Variants in MED24 observed in about 807,000 individuals in gnomAD.
MED24 encodes mediator of RNA polymerase II transcription subunit 24.
In MED24, 74 loss-of-function variants were observed where a neutral mutation model predicts 118.8. That is an observed-to-expected ratio of 0.62 (90% CI 0.52 to 0.76). The LOEUF (loss-of-function observed/expected upper bound fraction) is 0.76, where lower values mean the gene tolerates loss of function less well. Ranked by LOEUF, MED24 falls within the 30% of genes least tolerant of loss-of-function variation. The pLI is 0.00. For synonymous variants in MED24, 521 were observed against 523.9 expected (o/e 0.99, Z 0.08); for missense variants, 1,041 against 1,278.9 (o/e 0.81, Z 2.84).
At chr17:40,042,456 T>G (rs1484145526) in intron 3 of MED24, among the ~76,000 whole-genome samples, 1 of 152,192 alleles carries the variant, frequency 6.6e-6, no homozygotes, top group Admixed American at 6.5e-5. Flanking sequence ...AGATGGATTA[T>G]GAGGTCGGGA....
intron 22 of MED24, 146 bp from the exon 23 acceptor site, chr17:40,022,200 G>C (rs1451982901): frequency 1.1e-6 from 1 of 892,706 alleles, no homozygotes; most frequent in African/African-American, 1.7e-5. Flanking sequence ...CCCACAATCT[G>C]ACAGGCCCCT....
chr17:40,026,406 C>T lies in MED24; in HGVS notation c.1810-75G>A, dbSNP rs530105474. 1.7e-4 allele frequency: 257 copies of T among 1,553,560 alleles called. No homozygotes were observed. The African/African-American group carries it at 2.5e-3, about 15-fold the overall frequency. ...GCCAACATCACCTTCTCAGCCTCTG[C>T]GGGCAGCTAAGTGCAGCGGGTGGAG... On this transcript the variant is annotated intron_variant, in intron 18 of 25. Transcript: ENST00000394128.
Position 40,026,188 on chromosome 17 carries a change from A to T in MED24, c.1953T>A (p.Phe651Leu), listed in dbSNP as rs1331109220. ...TGTAGAACTGCAGGGTGTTCTCACT[A>T]AACAGTGGCCCTGCCAGCTGGCGGA... is the stretch of plus-strand genomic sequence containing the variant. The part of the protein sequence containing the change: ...QMIRQLAGPL[F>L]SENTLQFYNE... Residue 651 changes from phenylalanine (F) to leucine (L), a missense_variant, in exon 19 of 26, where the codon TTT becomes TTA. This residue lies in a region of MED24 where 587 missense variants were observed against 694.4 expected (regional missense o/e 0.85). Transcript: ENST00000394128. 6.2e-7 allele frequency: 1 copy of T among 1,614,214 alleles called. No individual in the cohort carries two copies. Among genetic ancestry groups the T allele is most frequent in the Non-Finnish European group, 8.5e-7 (1 of 1,180,020 alleles).
Position 40,053,338 on chromosome 17 carries a change from G to A in MED24, c.173C>T (p.Pro58Leu). The change falls in exon 3 of 26, where the codon CCT (proline) becomes CTT (leucine). Residue 58 changes from proline (P) to leucine (L), a missense_variant. Pro to Leu is a moderately conservative substitution (Grantham distance 98, BLOSUM62 -3). Transcript: ENST00000394128. ...ATACTTCAGGTAGGACAAGATGAGA[G>A]GATTGGGGGATGGTCCAATCATGGC... ...EQAMIGPSPN[P>L]LILSYLKYAI... The A allele has an allele frequency of 6.2e-7, 1 of 1,612,858 alleles. No homozygotes were observed. The highest frequency in any genetic ancestry group is 1.1e-5 in the South Asian group (1 of 90,960).
At chr17:40,045,522 C>T (rs1165053869) in intron 3 of MED24, among the ~76,000 whole-genome samples, 1 of 151,448 alleles carries the variant, frequency 6.6e-6, no homozygotes, top group Non-Finnish European at 1.5e-5. Flanking sequence ...AGCTCCATGG[C>T]TCACGCCTAT....
At chr17:40,037,418 C>G (rs1014852584) in intron 3 of MED24, among the ~76,000 whole-genome samples, 1 of 152,036 alleles carries the variant, frequency 6.6e-6, no homozygotes, top group Non-Finnish European at 1.5e-5. Context: ...ACGGCGGGTG[C>G]CTGCAGTCCC....
At chr17:40,034,884 GTGCTGGGTATACAACAA>G in intron 6 of MED24, 1 of 1,325,714 alleles carries the variant, frequency 7.5e-7, no homozygotes, top group South Asian at 1.3e-5. Context: ...ACCTAGCACA[GTGCTGGGTATACAACAA>G]TGCTCAGTAA....
At chr17:40,040,697 C>A (rs911972053) in intron 3 of MED24, among the ~76,000 whole-genome samples, 28 of 151,654 alleles carry the variant, frequency 1.8e-4, no homozygotes, top group African/African-American at 6.5e-4. Context: ...CGGCTCACTG[C>A]AACCTCCACC....
chr17:40,047,856 A>T (rs541739985), intron 3 of MED24, among the ~76,000 whole-genome samples: 1 of 151,938 alleles, frequency 6.6e-6, no homozygotes, highest in South Asian at 2.1e-4. Context: ...CAGCCTCCTG[A>T]GTAGCTGGGA....
In MED24 at chr17:40,026,663, G is replaced by T. The variant is rs138398755; in HGVS notation, c.1793C>A (p.Ala598Asp). 7 of 1,610,304 alleles carry T rather than the reference G, an allele frequency of 4.3e-6. No homozygotes were observed. The highest frequency in any genetic ancestry group is 5.1e-6 in the Non-Finnish European group (6 of 1,178,194). The change falls in exon 18 of 26, where the codon GCC becomes GAC. Residue 598 changes from alanine (A) to aspartate (D), a missense_variant. Physicochemically the swap from Ala to Asp is moderately radical, Grantham distance 126 (BLOSUM62 -2). This residue lies in a region of MED24 where 587 missense variants were observed against 694.4 expected (regional missense o/e 0.85). Transcript: ENST00000394128. ...ILNAWENGVL[A>D]FESIQKITDN... ...CGGGGCTACCTGGATGGACTCGAAG[G>T]CCAGGACCCCATTCTCCCAGGCATT... is the stretch of plus-strand genomic sequence containing the variant.
At chr17:40,037,318 A>C (rs2144931593) in intron 3 of MED24, among the ~76,000 whole-genome samples, 1 of 152,290 alleles carries the variant, frequency 6.6e-6, no homozygotes, top group Middle Eastern at 3.4e-3. Context: ...GGACCCATCC[A>C]GGACACCTTC....
Position 40,032,011 on chromosome 17 carries a change from C to T in MED24, c.984+32G>A, listed in dbSNP as rs771152879. 5.6e-6 allele frequency: 9 copies of T among 1,608,110 alleles called. No individual in the cohort carries two copies. The African/African-American group carries it at 6.7e-5, about 12-fold the overall frequency. On this transcript the variant is annotated intron_variant, in intron 10 of 25. Coordinates refer to ENST00000394128, the MANE Select transcript of MED24 (RefSeq NM_014815.4). Reference sequence around the variant, plus strand: ...ACCCTCCCCTTTGCCCTTATTTCTGCTCCCATGCCTCCATCTCAATCCCCA... The same window carrying T: ...ACCCTCCCCTTTGCCCTTATTTCTGTTCCCATGCCTCCATCTCAATCCCCA...
intron 12 of MED24, 83 bp downstream of exon 12, chr17:40,031,076 G>C (rs530491679): frequency 7.3e-7 from 1 of 1,363,354 alleles, no homozygotes; most frequent in Non-Finnish European, 1.0e-6. Context: ...TTCGACAGGA[G>C]GTTGAAAGGC....
rs373475396 is a variant in MED24 at position 40,023,005 on chromosome 17, G to A, written c.2250+126C>T. On this transcript the variant is annotated intron_variant, in intron 20 of 25. Transcript: ENST00000394128. ...AGCTCCCCAAGGAGGCAACTCTGAGGCGAGGCATTCCGGGGAGGCCACCTG... is the reference window on the plus strand; with the variant it reads ...AGCTCCCCAAGGAGGCAACTCTGAGACGAGGCATTCCGGGGAGGCCACCTG... 7.9e-4 allele frequency: 1,100 copies of A among 1,396,114 alleles called. 16 individuals carry two copies. The South Asian group carries it at 0.014, about 18-fold the overall frequency. 86.5% of individuals were successfully genotyped at this position (1,396,114 alleles called of 1,614,324 possible).
At chr17:40,022,998 C>A in intron 20 of MED24, 133 bp downstream of exon 20, 1 of 1,388,276 alleles carries the variant, frequency 7.2e-7, no homozygotes, top group South Asian at 1.4e-5. Context: ...AAGGAGGCAA[C>A]TCTGAGGCGA....
At chr17:40,052,859 C>A (rs1178522222) in intron 3 of MED24, among the ~76,000 whole-genome samples, 1 of 152,188 alleles carries the variant, frequency 6.6e-6, no homozygotes, top group Non-Finnish European at 1.5e-5. Flanking sequence ...TCTGTTCAAA[C>A]AGATCAATCT....
At position 40,028,842 on chromosome 17, in the gene MED24, C is replaced by T. The variant is rs1380333155; in HGVS notation, c.1393G>A (p.Ala465Thr). The change falls in exon 14 of 26, where the codon GCC (alanine) becomes ACC (threonine). Residue 465 changes from alanine (A) to threonine (T), a missense_variant. This residue lies in a region of MED24 where 587 missense variants were observed against 694.4 expected (regional missense o/e 0.85). Coordinates refer to ENST00000394128, the MANE Select transcript of MED24 (RefSeq NM_014815.4). The stretch of plus-strand genomic sequence containing the variant: ...CTTCCTCACTTGATGAATTTCCGGG[C>T]GAAGGATTTCAGCTTTCCAGTGGCG... ...AAATGKLKSF[A>T]RKFINLNEFT... The T allele has an allele frequency of 1.9e-6, 3 of 1,613,972 alleles. No homozygotes were observed. Among genetic ancestry groups the T allele is most frequent in the Non-Finnish European group, 1.7e-6 (2 of 1,179,984 alleles).
chr17:40,050,619 A>C (rs1037095092), intron 3 of MED24, among the ~76,000 whole-genome samples: 6 of 152,118 alleles, frequency 3.9e-5, no homozygotes, highest in Non-Finnish European at 7.4e-5. Flanking sequence ...CGTCTCAGTA[A>C]ATAAAAAAAA....
chr17:40,052,879 C>T (rs1252107884), intron 3 of MED24, among the ~76,000 whole-genome samples: 1 of 152,196 alleles, frequency 6.6e-6, no homozygotes, highest in Non-Finnish European at 1.5e-5. Flanking sequence ...TAGAATCTTA[C>T]TCTTTCATCT....
Sources: allele counts gnomAD v4.1 joint callset (sites outside exome capture counted in the v4.1 genomes callset), GRCh38; gene constraint gnomAD v4.1.1; regional missense constraint gnomAD v4.1.1; transcripts MANE v1.5; gene names NCBI Gene and HGNC (gene_info 2026-07-23, HGNC 2026-07-21).